GABRA3: variants seen among roughly 807,000 people sequenced by gnomAD.
The protein encoded by GABRA3 is gamma-aminobutyric acid type A receptor subunit alpha3.
Under a neutral mutation model 30.1 loss-of-function variants are expected in GABRA3, and 10 were observed. The observed-to-expected ratio is 0.33, with a 90% CI of 0.20 to 0.56. GABRA3 has a LOEUF of 0.56. GABRA3 is among the 20% of genes least tolerant of loss of function. The probability of loss-of-function intolerance (pLI) is 0.89; values close to 1 mark genes in which losing one functional copy is unlikely to be tolerated. For missense variants in GABRA3, 233 were observed against 392.0 expected (o/e 0.59, Z 3.42); for synonymous variants, 151 against 146.8 (o/e 1.03, Z -0.21).
intron 1 of GABRA3, among the ~76,000 whole-genome samples, chrX:152,422,045 G>A (rs1476707355): frequency 9.0e-6 from 1 of 111,043 alleles, no homozygotes; most frequent in Non-Finnish European, 1.9e-5. Flanking sequence ...TCTCATCTTA[G>A]TTATACAGAC....
intron 1 of GABRA3, among the ~76,000 whole-genome samples, chrX:152,414,703 A>T (rs1285749085): frequency 2.7e-5 from 3 of 110,779 alleles, no homozygotes; most frequent in Admixed American, 1.9e-4. Flanking sequence ...AAATGATTTG[A>T]AAGTTTATTT....
At chrX:152,438,959 C>A (rs1930848258) in intron 1 of GABRA3, among the ~76,000 whole-genome samples, 1 of 109,918 alleles carries the variant, frequency 9.1e-6, no homozygotes, top group Admixed American at 9.8e-5. Flanking sequence ...TGCACAAATG[C>A]AAGCTATAGA....
intron 5 of GABRA3, among the ~76,000 whole-genome samples, chrX:152,232,270 T>C (rs988435959): frequency 9.0e-6 from 1 of 111,192 alleles, no homozygotes; most frequent in Non-Finnish European, 1.9e-5. Context: ...CATTTATTAA[T>C]TTATTTGTAG....
Position 152,256,014 on chromosome X carries a change from G to C in GABRA3, c.331-16C>G. ...TAGTGTACTCCTAGGGGTGAAAAGA[G>C]AGAAAACAATGTTTCAGTTGAGTTC... On this transcript the variant is annotated splice_polypyrimidine_tract_variant and intron_variant, in intron 4 of 9. Transcript: ENST00000370314. 1 of 1,137,848 alleles carries C rather than the reference G, an allele frequency of 8.8e-7. No individual in the cohort carries two copies. Among genetic ancestry groups the C allele is most frequent in the African/African-American group, 2.1e-5 (1 of 48,181 alleles). The allele number at this position is 1,137,848 out of a possible 1,213,427, so 93.8% of individuals were successfully genotyped here.
intron 2 of GABRA3, among the ~76,000 whole-genome samples, chrX:152,348,363 A>G (rs1043308192): frequency 4.5e-5 from 5 of 111,916 alleles, no homozygotes; most frequent in African/African-American, 9.7e-5. Flanking sequence ...GTGTTTATCA[A>G]CTTAATGAGA....
At chrX:152,443,791 T>G (rs1014322750) in intron 1 of GABRA3, among the ~76,000 whole-genome samples, 1 of 111,581 alleles carries the variant, frequency 9.0e-6, no homozygotes, top group Non-Finnish European at 1.9e-5. Context: ...AAAGGTGAGG[T>G]TCAAAGAAGC....
At chrX:152,298,274 T>G (rs1384936400) in intron 3 of GABRA3, among the ~76,000 whole-genome samples, 1 of 111,166 alleles carries the variant, frequency 9.0e-6, no homozygotes, top group Non-Finnish European at 1.9e-5. Context: ...GTGCACAACG[T>G]GCAGGTTAGT....
chrX:152,172,254 C>CTGGGT (rs1937013114), intron 9 of GABRA3, among the ~76,000 whole-genome samples: 4 of 111,488 alleles, frequency 3.6e-5, no homozygotes, highest in African/African-American at 1.3e-4. Context: ...CATGAGACCC[C>CTGGGT]ACCTCACATT....
chrX:152,237,581 T>C (rs1201563801), intron 5 of GABRA3, among the ~76,000 whole-genome samples: 2 of 105,772 alleles, frequency 1.9e-5, no homozygotes, highest in African/African-American at 7.0e-5. Flanking sequence ...GTAAATTACC[T>C]TGGGCAGTAT....
At chrX:152,303,857 G>A (rs951887572) in intron 3 of GABRA3, among the ~76,000 whole-genome samples, 18 of 110,908 alleles carry the variant, frequency 1.6e-4, no homozygotes, top group African/African-American at 4.6e-4. Context: ...AACACCTAAC[G>A]CATGTGGGGC....
intron 3 of GABRA3, among the ~76,000 whole-genome samples, chrX:152,316,749 C>G (rs1226457884): frequency 8.9e-6 from 1 of 111,936 alleles, no homozygotes; most frequent in Non-Finnish European, 1.9e-5. Flanking sequence ...ATTTTGTATC[C>G]AGTGAAACTA....
chrX:152,349,502 C>T (rs1423750882), intron 2 of GABRA3, among the ~76,000 whole-genome samples: 2 of 109,101 alleles, frequency 1.8e-5, no homozygotes, highest in Non-Finnish European at 3.8e-5. Context: ...TTAAAAGACA[C>T]AGACTGGCAA....
intron 1 of GABRA3, among the ~76,000 whole-genome samples, chrX:152,424,712 T>A (rs956111433): frequency 9.0e-6 from 1 of 110,799 alleles, no homozygotes; most frequent in Non-Finnish European, 1.9e-5. Context: ...GTTTTTATCA[T>A]TCATCTTCAC....
At chrX:152,375,032 T>C (rs1468426749) in intron 1 of GABRA3, among the ~76,000 whole-genome samples, 3 of 111,528 alleles carry the variant, frequency 2.7e-5, no homozygotes, top group Non-Finnish European at 5.6e-5. Context: ...TGTTCATGGA[T>C]AGGAAGAATC....
chrX:152,390,829 T>A (rs949184349), intron 1 of GABRA3, among the ~76,000 whole-genome samples: 16 of 111,257 alleles, frequency 1.4e-4, no homozygotes, highest in Non-Finnish European at 2.5e-4. Flanking sequence ...CTAAGCACTT[T>A]AAAAAAACAA....
At chrX:152,213,955 C>G (rs911704986) in intron 6 of GABRA3, among the ~76,000 whole-genome samples, 1 of 110,596 alleles carries the variant, frequency 9.0e-6, no homozygotes, top group Non-Finnish European at 1.9e-5. Flanking sequence ...TTGGAGAGTA[C>G]AAGTGCAGTT....
chrX:152,236,525 G>T (rs1938217782), intron 5 of GABRA3, among the ~76,000 whole-genome samples: 1 of 94,733 alleles, frequency 1.1e-5, no homozygotes, highest in Non-Finnish European at 2.1e-5. Flanking sequence ...TGGGATGGCT[G>T]GGTCAAATGG....
At chrX:152,359,623 T>C (rs1428909215) in intron 2 of GABRA3, among the ~76,000 whole-genome samples, 4 of 111,209 alleles carry the variant, frequency 3.6e-5, no homozygotes, top group African/African-American at 1.3e-4. Context: ...CTTGGTTCTC[T>C]AGTTCCCCTA....
At chrX:152,359,857 T>A (rs1928430372) in intron 2 of GABRA3, among the ~76,000 whole-genome samples, 1 of 112,000 alleles carries the variant, frequency 8.9e-6, no homozygotes, top group Non-Finnish European at 1.9e-5. Context: ...GGCCATGCTT[T>A]TAGTAGTATC....
Sources: gnomAD v4.1 joint callset for allele counts (sites outside exome capture counted in the v4.1 genomes callset) on GRCh38, gnomAD v4.1.1 for gene constraint, MANE v1.5 for transcripts, NCBI Gene and HGNC (gene_info 2026-07-23, HGNC 2026-07-21) for gene names.